AK7: variants seen among roughly 807,000 people sequenced by gnomAD.
AK7 encodes the protein adenylate kinase 7, also known as ATP-AMP transphosphorylase 7.
A neutral mutation model predicts 96.6 loss-of-function variants in AK7; 78 were observed. The ratio of observed to expected loss-of-function variants is 0.81; its 90% CI spans 0.67 to 0.97. AK7 has a LOEUF of 0.97. AK7 is among the 50% of genes least tolerant of loss of function. The pLI is 0.00. For synonymous variants in AK7, 302 were observed against 317.2 expected, an observed-to-expected ratio of 0.95 and a Z score of 0.51; for missense variants, 855 against 887.9, an observed-to-expected ratio of 0.96 and a Z score of 0.47.
Position 96,489,017 on chromosome 14 carries a change from C to T in AK7, c.*674C>T, listed in dbSNP as rs188557762. The T allele has an allele frequency of 6.6e-6, 1 of 152,170 alleles. No individual in the cohort carries two copies. The highest frequency in any genetic ancestry group is 1.9e-4 in the East Asian group (1 of 5,186). 9.4% of individuals were successfully genotyped at this position (152,170 alleles called of 1,614,324 possible). ...TTTTCAACACACTTTATAACATAGG[C>T]ATAAGTTATCAATCCTATAGTCTTT... is the stretch of plus-strand genomic sequence containing the variant. On this transcript the variant is annotated 3_prime_UTR_variant, in exon 18 of 18. Transcript: ENST00000267584.
chr14:96,410,070 T>C (rs1298205622), intron 4 of AK7, among the ~76,000 whole-genome samples: 3 of 152,222 alleles, frequency 2.0e-5, no homozygotes, highest in Non-Finnish European at 4.4e-5. Context: ...GTCAATGGAA[T>C]ATATTATATA....
At position 96,423,249 on chromosome 14, in the gene AK7, C is replaced by T. The variant is rs113789248; in HGVS notation, c.609+2317C>T. ...TCATTGCGAGCCTCTGGTTGTCTAG[C>T]GATGGTGCCATAAAAACACACTGCT... On this transcript the variant is annotated intron_variant, in intron 5 of 17. Transcript: ENST00000267584. Among the ~76,000 whole-genome samples, 125 of 152,294 alleles carry T rather than the reference C, an allele frequency of 8.2e-4. 1 individual carries two copies. The highest frequency in any genetic ancestry group is 2.8e-3 in the African/African-American group (115 of 41,578).
intron 7 of AK7, among the ~76,000 whole-genome samples, chr14:96,443,546 C>T (rs1893068330): frequency 6.6e-6 from 1 of 152,110 alleles, no homozygotes; most frequent in African/African-American, 2.4e-5. Flanking sequence ...TCTAGACTTA[C>T]TGGGAAATGA....
chr14:96,420,345 A>G (rs1891607027), intron 4 of AK7, among the ~76,000 whole-genome samples: 1 of 151,524 alleles, frequency 6.6e-6, no homozygotes, highest in South Asian at 2.1e-4. Context: ...AAATACAAAA[A>G]TTAGCCAGGT....
At chr14:96,437,993 T>A in intron 6 of AK7, 78 bp downstream of exon 6, 2 of 1,349,022 alleles carry the variant, frequency 1.5e-6, no homozygotes, top group South Asian at 2.5e-5. Flanking sequence ...TGTTTTTGAT[T>A]GCTTTGGGTG....
intron 10 of AK7, among the ~76,000 whole-genome samples, chr14:96,454,642 C>A (rs969020219): frequency 6.7e-6 from 1 of 150,322 alleles, no homozygotes; most frequent in African/African-American, 2.4e-5. Context: ...TGTGACTATG[C>A]CCAGCCAATA....
chr14:96,407,575 C>CTT lies in AK7; in HGVS notation c.404-1269_404-1268dup, dbSNP rs1288121196. Among the ~76,000 whole-genome samples, 58 of 54,760 alleles carry CTT rather than the reference C, an allele frequency of 1.1e-3. 4 individuals carry two copies. The highest frequency in any genetic ancestry group is 3.1e-3 in the East Asian group (6 of 1,964). The allele number at this position is 54,760 out of a possible 152,430, so 35.9% of individuals were successfully genotyped here. ...GCAGCTCTGATATGTTTCTTTCTTT[C>CTT]TTTTCTTTTTTTTTTTTTTTTTTTG... On this transcript the variant is annotated intron_variant, in intron 3 of 17. Transcript: ENST00000267584.
intron 4 of AK7, among the ~76,000 whole-genome samples, chr14:96,417,731 A>G (rs1394061754): frequency 6.6e-6 from 1 of 152,182 alleles, no homozygotes; most frequent in African/African-American, 2.4e-5. Context: ...TGCGCCCTCC[A>G]ATCCATCCTC....
Position 96,404,876 on chromosome 14 carries a change from T to G in AK7, c.403+11T>G, listed in dbSNP as rs1232870358. On this transcript the variant is annotated intron_variant, in intron 3 of 17. Transcript: ENST00000267584. ...TCTGGGCAGTCTCTGGTCAGTGAGG[T>G]GTACTCTTTTATCTCCAGGGATGCT... is the stretch of plus-strand genomic sequence containing the variant. The G allele has an allele frequency of 4.4e-6, 7 of 1,580,232 alleles. No individual in the cohort carries two copies. In the Admixed American group the frequency reaches 1.2e-4, roughly 26 times the overall value.
chr14:96,395,104 A>G (rs1889992478), intron 1 of AK7, among the ~76,000 whole-genome samples: 1 of 152,292 alleles, frequency 6.6e-6, no homozygotes, highest in South Asian at 2.1e-4. Flanking sequence ...GGCTCAAGTG[A>G]TCTTCCCACC....
chr14:96,442,952 T>A, intron 7 of AK7, 134 bp downstream of exon 7: 1 of 762,870 alleles, frequency 1.3e-6, no homozygotes, highest in Non-Finnish European at 2.2e-6. Flanking sequence ...GTAACAACCC[T>A]ATGCAGAAGG....
At chr14:96,410,831 C>G (rs1422608160) in intron 4 of AK7, among the ~76,000 whole-genome samples, 1 of 151,972 alleles carries the variant, frequency 6.6e-6, no homozygotes, top group Admixed American at 6.6e-5. Flanking sequence ...GGCGAAACCA[C>G]GTCTCTACAA....
chr14:96,410,695 T>A (rs149712378), intron 4 of AK7, among the ~76,000 whole-genome samples: 1 of 152,204 alleles, frequency 6.6e-6, no homozygotes, highest in Non-Finnish European at 1.5e-5. Flanking sequence ...TTTTAAATGA[T>A]TTATCAAGGT....
intron 3 of AK7, 116 bp downstream of exon 3, chr14:96,404,981 C>G (rs1440919768): frequency 1.9e-6 from 1 of 531,512 alleles, no homozygotes; most frequent in East Asian, 2.9e-5. Context: ...TGGTCTGAGA[C>G]TTACCTAAAG....
At chr14:96,401,191 C>T (rs531167934) in intron 2 of AK7, among the ~76,000 whole-genome samples, 9 of 152,314 alleles carry the variant, frequency 5.9e-5, no homozygotes, top group African/African-American at 1.9e-4. Context: ...GTGGAGCTCA[C>T]GGCTTGGCAG....
In AK7 at chr14:96,458,192, A is replaced by C; in HGVS notation, c.1337A>C (p.Glu446Ala). Reference sequence around the variant, plus strand: ...CAGGAGCTCCTAGATGGCATCAAGGAGAGCATGGAGCAGAATGCAGGTAAC... The same window carrying C: ...CAGGAGCTCCTAGATGGCATCAAGGCGAGCATGGAGCAGAATGCAGGTAAC... The part of the protein sequence containing the change: ...DAQELLDGIK[E>A]SMEQNAGQLD... Residue 446 changes from glutamate (E) to alanine (A), a missense_variant, in exon 12 of 18, where the codon GAG becomes GCG. Transcript: ENST00000267584. 6.2e-7 allele frequency: 1 copy of C among 1,614,022 alleles called. No individual in the cohort carries two copies. The highest frequency in any genetic ancestry group is 1.3e-5 in the African/African-American group (1 of 75,050).
chr14:96,470,531 A>G (rs571901743), intron 12 of AK7, among the ~76,000 whole-genome samples: 4 of 152,216 alleles, frequency 2.6e-5, no homozygotes, highest in Admixed American at 2.6e-4. Context: ...CCAGTTTTAG[A>G]ACAAACTCCT....
Position 96,456,328 on chromosome 14 carries a change from T to C in AK7, c.1099-19T>C. ...TCATTCAGAGCTTGCTGTATGTTCC[T>C]TACTCTCTCCTCTTTCAGCCAATCA... On this transcript the variant is annotated intron_variant, in intron 10 of 17. Coordinates refer to ENST00000267584, the MANE Select transcript of AK7 (RefSeq NM_152327.5). 3 of 1,602,960 alleles carry C rather than the reference T, an allele frequency of 1.9e-6. No homozygotes were observed. The highest frequency in any genetic ancestry group is 2.6e-6 in the Non-Finnish European group (3 of 1,173,396).
At position 96,404,978 on chromosome 14, in the gene AK7, A is replaced by G. The variant is rs1890625724; in HGVS notation, c.403+113A>G. On this transcript the variant is annotated intron_variant, in intron 3 of 17. Transcript: ENST00000267584. ...GTAGGGCTATAGAAAAACTGGTCTG[A>G]GACTTACCTAAAGTATGAAATCCAT... 4 of 540,346 alleles carry G rather than the reference A, an allele frequency of 7.4e-6. No individual in the cohort carries two copies. In the South Asian group the frequency reaches 1.5e-4, roughly 21 times the overall value. 33.5% of individuals were successfully genotyped at this position (540,346 alleles called of 1,614,324 possible).
Sources: gnomAD v4.1 joint callset for allele counts (sites outside exome capture counted in the v4.1 genomes callset) on GRCh38, gnomAD v4.1.1 for gene constraint, MANE v1.5 for transcripts, NCBI Gene and HGNC (gene_info 2026-07-23, HGNC 2026-07-21) for gene names.